The following TRIM16 variants were observed in gnomAD, a reference collection of about 807,000 sequenced individuals.
TRIM16 encodes tripartite motif containing 16, also known as tripartite motif-containing protein 16.
In TRIM16, 33 loss-of-function variants were observed where a neutral mutation model predicts 50.4. The ratio of observed to expected loss-of-function variants is 0.65; its 90% confidence interval spans 0.50 to 0.88. The LOEUF (loss-of-function observed/expected upper bound fraction) is 0.88, where lower values mean the gene tolerates loss of function less well. Among genes scored for constraint, TRIM16 ranks in the 40% least tolerant of loss-of-function variants. The pLI, the probability that TRIM16 is intolerant of heterozygous loss-of-function variation, is 0.00. For missense variants in TRIM16, 581 were observed against 686.8 expected, an observed-to-expected ratio of 0.85 and a Z score of 1.72; for synonymous variants, 229 against 270.7, an observed-to-expected ratio of 0.85 and a Z score of 1.51.
In TRIM16 at chr17:15,651,712, T is replaced by C. The variant is rs746310730; in HGVS notation, c.-103A>G. The C allele has an allele frequency of 1.8e-5, 27 of 1,539,840 alleles. No individual in the cohort carries two copies. Among genetic ancestry groups the C allele is most frequent in the Non-Finnish European group, 2.2e-5 (25 of 1,147,448 alleles). ...ACCACGCCTAGATGATTGCAGCTGCTGCAAGATTTTAACTGTTTCCTCCCT... is the reference window on the plus strand; with the variant it reads ...ACCACGCCTAGATGATTGCAGCTGCCGCAAGATTTTAACTGTTTCCTCCCT... On this transcript the variant is annotated 5_prime_UTR_variant, in exon 7 of 12. Coordinates refer to ENST00000649191, the MANE Select transcript of TRIM16 (RefSeq NM_001348119.1).
chr17:15,664,107 G>T (rs1988369949), intron 6 of TRIM16, among the ~76,000 whole-genome samples: 1 of 152,204 alleles, frequency 6.6e-6, no homozygotes, highest in Non-Finnish European at 1.5e-5. Context: ...GGCAGAAAGG[G>T]TGGTACAGGT....
chr17:15,670,242 C>T (rs545190267), intron 6 of TRIM16, among the ~76,000 whole-genome samples: 1 of 152,196 alleles, frequency 6.6e-6, no homozygotes, highest in Admixed American at 6.5e-5. Flanking sequence ...AGGGCAGAAG[C>T]AACAAGGATG....
At chr17:15,679,089 G>C (rs1338845344) in intron 4 of TRIM16, among the ~76,000 whole-genome samples, 1 of 152,084 alleles carries the variant, frequency 6.6e-6, no homozygotes, top group East Asian at 1.9e-4. Context: ...ATGTTGTCCA[G>C]GCTGGTCACA....
intron 6 of TRIM16, chr17:15,675,651 G>A (rs2530108): frequency 5.6e-6 from 1 of 179,046 alleles, no homozygotes; most frequent in South Asian, 1.8e-4. Context: ...CCATTTGATT[G>A]TCAGGAGTGT....
At chr17:15,661,622 T>C (rs77345044) in intron 6 of TRIM16, among the ~76,000 whole-genome samples, 4,160 of 152,250 alleles carry the variant, frequency 0.027, 124 homozygotes, top group East Asian at 0.14. Context: ...CCAGGTTGCC[T>C]GGTAATGAAG....
chr17:15,651,401 CCAG>C lies in TRIM16; in HGVS notation c.206_208del (p.Ala69del). The C allele has an allele frequency of 6.2e-7, 1 of 1,614,204 alleles. No individual in the cohort carries two copies. Among genetic ancestry groups the C allele is most frequent in the South Asian group, 1.1e-5 (1 of 91,082 alleles). ...GTCACACAGGACCTCTTTCCCCTCACCAGCAGGATCCCCCTGCTCTGCAGAGTC... is the reference window on the plus strand; with the variant it reads ...GTCACACAGGACCTCTTTCCCCTCACCAGGATCCCCCTGCTCTGCAGAGTC... On this transcript the variant is annotated inframe_deletion, in exon 7 of 12. Transcript: ENST00000649191.
intron 8 of TRIM16, among the ~76,000 whole-genome samples, chr17:15,637,119 G>A (rs1414017732): frequency 7.4e-6 from 1 of 135,798 alleles, no homozygotes; most frequent in Admixed American, 7.0e-5. Context: ...GGGAGGTGGG[G>A]GGGGGGGGTC....
At chr17:15,662,200 C>T (rs1019286740) in intron 6 of TRIM16, among the ~76,000 whole-genome samples, 44 of 152,180 alleles carry the variant, frequency 2.9e-4, no homozygotes, top group African/African-American at 1.1e-3. Context: ...TTCCTTGGCT[C>T]TTAAAAGAGA....
At position 15,628,911 on chromosome 17, in the gene TRIM16, A is replaced by C; in HGVS notation, c.1399T>G (p.Trp467Gly). 1.3e-5 allele frequency: 21 copies of C among 1,614,244 alleles called. No homozygotes were observed. The highest frequency in any genetic ancestry group is 1.8e-5 in the Non-Finnish European group (21 of 1,180,050). The change falls in exon 12 of 12, where the codon TGG (tryptophan) becomes GGG (glycine). Residue 467 changes from tryptophan to glycine, a missense_variant. This residue lies in a region of TRIM16 where 115 missense variants were observed against 106.7 expected (regional missense o/e 1.08). Transcript: ENST00000649191. ...TCCTTCCCGTTCCATTGGAGGCTCCAGGAGAAGTTGTTTCCGGAAATGCAA... is the reference window on the plus strand; with the variant it reads ...TCCTTCCCGTTCCATTGGAGGCTCCCGGAGAAGTTGTTTCCGGAAATGCAA... The part of the protein sequence containing the change: ...NSCISGNNFS[W>G]SLQWNGKEFT...
chr17:15,678,135 C>T lies in TRIM16; in HGVS notation c.-589-414G>A, dbSNP rs559080885. ...TCGGGAGGCTGAAGCAGGAGAATGGCGTGAACCCGGGAGGCGAAGCTTGCA... is the reference window on the plus strand; with the variant it reads ...TCGGGAGGCTGAAGCAGGAGAATGGTGTGAACCCGGGAGGCGAAGCTTGCA... On this transcript the variant is annotated intron_variant, in intron 4 of 11. Transcript: ENST00000649191. 1.1e-4 allele frequency among the ~76,000 whole-genome samples: 17 copies of T among 151,684 alleles called. No homozygotes were observed. In the South Asian group the frequency reaches 1.5e-3, roughly 13 times the overall value.
intron 6 of TRIM16, among the ~76,000 whole-genome samples, chr17:15,673,803 T>C (rs980498326): frequency 2.0e-5 from 3 of 152,256 alleles, no homozygotes; most frequent in Admixed American, 6.5e-5. Flanking sequence ...GAAATTTTCA[T>C]CAGGCAGCCT....
rs142684641 is a variant in TRIM16, at chr17:15,644,482, G to A, written c.520-1666C>T. Among the ~76,000 whole-genome samples the A allele has an allele frequency of 5.3e-3, 813 of 152,312 alleles. 5 individuals are homozygous for A. Among genetic ancestry groups the A allele is most frequent in the Middle Eastern group, 0.044 (13 of 294 alleles). Reference sequence around the variant, plus strand: ...TGGGATTATAGGTGTGAACCACCGCGCCTGATGCCTTTTGGGTTTATATGG... The same window carrying A: ...TGGGATTATAGGTGTGAACCACCGCACCTGATGCCTTTTGGGTTTATATGG... On this transcript the variant is annotated intron_variant, in intron 7 of 11. Coordinates refer to ENST00000649191, the MANE Select transcript of TRIM16 (RefSeq NM_001348119.1).
At chr17:15,653,407 G>A (rs1468180194) in intron 6 of TRIM16, among the ~76,000 whole-genome samples, 12 of 152,268 alleles carry the variant, frequency 7.9e-5, no homozygotes, top group Non-Finnish European at 1.5e-5. Flanking sequence ...GTGTGAGCTT[G>A]CCAGGGCTGC....
chr17:15,641,515 G>A (rs1267107315), intron 8 of TRIM16, among the ~76,000 whole-genome samples: 1 of 148,890 alleles, frequency 6.7e-6, no homozygotes, highest in Non-Finnish European at 1.5e-5. Flanking sequence ...AGGGATCAAA[G>A]TGTCTGAAAA....
At chr17:15,675,816 T>C (rs1331652464) in intron 6 of TRIM16, among the ~76,000 whole-genome samples, 3 of 147,984 alleles carry the variant, frequency 2.0e-5, no homozygotes, top group Non-Finnish European at 4.5e-5. Flanking sequence ...CATATATATT[T>C]GCATATATAA....
Position 15,632,628 on chromosome 17 carries a change from A to T in TRIM16, c.896T>A (p.Val299Asp), listed in dbSNP as rs1243899795. 1 of 1,613,768 alleles carries T rather than the reference A, an allele frequency of 6.2e-7. No homozygotes were observed. Among genetic ancestry groups the T allele is most frequent in the South Asian group, 1.1e-5 (1 of 91,022 alleles). The change falls in exon 10 of 12, where the codon GTT becomes GAT. Residue 299 changes from valine (V) to aspartate (D), a missense_variant. Val to Asp is a radical substitution (Grantham distance 152, BLOSUM62 -3). Around this residue, in one of 3 missense-constraint regions of TRIM16, gnomAD observed 450 missense variants for 544.3 expected, o/e 0.83. Transcript: ENST00000649191. ...KNTEDITFPS[V>D]YVGLKDKLSG... ...GAGTTTATCCTTCAGCCCTACGTAA[A>T]CACTAGGGAAGGTGATGTCTTCAGT...
At chr17:15,650,018 G>C (rs577741406) in intron 7 of TRIM16, among the ~76,000 whole-genome samples, 1 of 152,152 alleles carries the variant, frequency 6.6e-6, no homozygotes, top group Non-Finnish European at 1.5e-5. Context: ...TTCCCGGGCC[G>C]GAAACAGTGA....
intron 6 of TRIM16, among the ~76,000 whole-genome samples, chr17:15,673,341 CT>C (rs1988796458): frequency 6.6e-6 from 1 of 152,170 alleles, no homozygotes; most frequent in Non-Finnish European, 1.5e-5. Context: ...AACAAAAATC[CT>C]TTCTTCTCTA....
chr17:15,662,406 A>T (rs1988282327), intron 6 of TRIM16, among the ~76,000 whole-genome samples: 4 of 152,156 alleles, frequency 2.6e-5, no homozygotes, highest in African/African-American at 9.7e-5. Context: ...TCCTTAACAC[A>T]ACTTCACTGG....
Sources: gnomAD v4.1 joint callset for allele counts (sites outside exome capture counted in the v4.1 genomes callset) on GRCh38, gnomAD v4.1.1 for gene constraint, gnomAD v4.1.1 regional missense constraint, MANE v1.5 for transcripts, NCBI Gene and HGNC (gene_info 2026-07-23, HGNC 2026-07-21) for gene names.